The following AK9 variants were observed in gnomAD, a reference collection of about 807,000 sequenced individuals.
The protein encoded by AK9 is adenylate kinase domain containing 1.
AK9 carries 191 observed loss-of-function variants against 239.6 expected under a neutral mutation model. The observed-to-expected ratio is 0.80, with a 90% CI of 0.71 to 0.90. The LOEUF (loss-of-function observed/expected upper bound fraction) is 0.90. Among genes scored for constraint, AK9 ranks in the 40% least tolerant of loss-of-function variants. AK9 has a pLI of 0.00. For synonymous variants in AK9, 689 were observed against 721.0 expected (o/e 0.96, Z 0.71); for missense variants, 1,995 against 2,214.7 (o/e 0.90, Z 1.99).
At chr6:109,684,836 T>G (rs1219128009) in intron 1 of AK9, among the ~76,000 whole-genome samples, 1 of 107,650 alleles carries the variant, frequency 9.3e-6, no homozygotes, top group Non-Finnish European at 1.7e-5. Flanking sequence ...ATCCCGCCAC[T>G]GCACTCCAGC....
At chr6:109,644,190 A>G (rs78925794) in intron 9 of AK9, among the ~76,000 whole-genome samples, 3,152 of 152,294 alleles carry the variant, frequency 0.021, 84 homozygotes, top group East Asian at 0.11. Flanking sequence ...TTATTTTTGT[A>G]AAACATTTTT....
At chr6:109,602,885 T>G (rs1159562190) in intron 17 of AK9, among the ~76,000 whole-genome samples, 1 of 152,222 alleles carries the variant, frequency 6.6e-6, no homozygotes, top group East Asian at 1.9e-4. Context: ...GCTTGTGTAT[T>G]CGTCACGTAG....
intron 5 of AK9, 106 bp from the exon 6 acceptor site, chr6:109,662,769 A>T (rs1267503919): frequency 2.2e-6 from 1 of 446,910 alleles, no homozygotes; most frequent in East Asian, 7.3e-5. Flanking sequence ...CTTTATACTC[A>T]TCTATCATAA....
chr6:109,647,127 A>C (rs1798171704), intron 8 of AK9, among the ~76,000 whole-genome samples: 1 of 151,498 alleles, frequency 6.6e-6, no homozygotes, highest in Non-Finnish European at 1.5e-5. Context: ...ACAGTCACTG[A>C]AAAAACATGC....
intron 1 of AK9, among the ~76,000 whole-genome samples, chr6:109,685,963 G>C (rs1773449187): frequency 6.6e-6 from 1 of 152,170 alleles, no homozygotes; most frequent in Non-Finnish European, 1.5e-5. Context: ...AGTCCCAGTT[G>C]CAACTGCTGT....
intron 1 of AK9, among the ~76,000 whole-genome samples, chr6:109,688,928 AG>A (rs1259149038): frequency 1.3e-5 from 2 of 152,170 alleles, no homozygotes; most frequent in African/African-American, 4.8e-5. Flanking sequence ...TCTTGAACTC[AG>A]GGGATTCTCT....
intron 5 of AK9, among the ~76,000 whole-genome samples, chr6:109,666,818 C>T (rs1398933352): frequency 6.6e-6 from 1 of 152,052 alleles, no homozygotes; most frequent in African/African-American, 2.4e-5. Context: ...TGTGTCCAGC[C>T]ATCTCTTCTA....
intron 17 of AK9, among the ~76,000 whole-genome samples, chr6:109,591,779 C>A (rs1413193044): frequency 6.6e-6 from 1 of 151,900 alleles, no homozygotes; most frequent in East Asian, 1.9e-4. Flanking sequence ...GGAAATACTT[C>A]ATTTCTCCTT....
chr6:109,524,839 C>T (rs1470939830), intron 29 of AK9, among the ~76,000 whole-genome samples: 1 of 152,132 alleles, frequency 6.6e-6, no homozygotes, highest in African/African-American at 2.4e-5. Context: ...TGGAGCTAGA[C>T]AGTTCTAAGG....
chr6:109,655,507 A>G (rs183935544), intron 8 of AK9, among the ~76,000 whole-genome samples: 8 of 152,192 alleles, frequency 5.3e-5, no homozygotes. Flanking sequence ...GTGTGGTTTC[A>G]TCTATTTAAT....
At chr6:109,541,003 C>T (rs1782806761) in intron 27 of AK9, among the ~76,000 whole-genome samples, 1 of 152,182 alleles carries the variant, frequency 6.6e-6, no homozygotes, top group Non-Finnish European at 1.5e-5. Flanking sequence ...CATGTGCTAC[C>T]TGTTAGAGAC....
chr6:109,494,079 A>G lies in AK9; in HGVS notation c.5435T>C (p.Leu1812Pro), dbSNP rs768982477. Residue 1812 changes from leucine (L) to proline (P), a missense_variant, in exon 40 of 41, where the codon CTA (leucine) becomes CCA (proline). Transcript: ENST00000424296. Reference sequence around the variant, plus strand: ...TCCCGCTGCATTCATTGCTTTAATTAGAGAAGTTGCAATACCCTGCAGGGA... The same window carrying G: ...TCCCGCTGCATTCATTGCTTTAATTGGAGAAGTTGCAATACCCTGCAGGGA... ...GYLEQGIATS[L>P]IKAMNAAGCL... is the part of the protein sequence containing the mutation. 1 of 1,613,410 alleles carries G rather than the reference A, an allele frequency of 6.2e-7. No homozygotes were observed. Among genetic ancestry groups the G allele is most frequent in the South Asian group, 1.1e-5 (1 of 91,010 alleles).
chr6:109,533,703 T>C (rs1582878177), intron 27 of AK9, among the ~76,000 whole-genome samples: 1 of 152,196 alleles, frequency 6.6e-6, no homozygotes, highest in Non-Finnish European at 1.5e-5. Context: ...ATTTACTCTT[T>C]TATTTCTTTT....
intron 8 of AK9, among the ~76,000 whole-genome samples, chr6:109,648,960 C>G (rs1583420334): frequency 6.6e-6 from 1 of 152,248 alleles, no homozygotes; most frequent in East Asian, 1.9e-4. Flanking sequence ...TAAATGTAAT[C>G]CAACATATAA....
intron 10 of AK9, among the ~76,000 whole-genome samples, chr6:109,636,232 A>G (rs926778791): frequency 9.2e-5 from 14 of 151,788 alleles, no homozygotes; most frequent in African/African-American, 3.4e-4. Context: ...CTCTCCTGCA[A>G]CTCAGCAGAT....
intron 1 of AK9, among the ~76,000 whole-genome samples, chr6:109,678,211 C>T (rs993023322): frequency 6.6e-6 from 1 of 152,082 alleles, no homozygotes; most frequent in African/African-American, 2.4e-5. Context: ...ACATCCATAC[C>T]ATGGAATATG....
chr6:109,677,024 G>A (rs997848029), intron 1 of AK9, among the ~76,000 whole-genome samples: 1 of 152,104 alleles, frequency 6.6e-6, no homozygotes, highest in African/African-American at 2.4e-5. Flanking sequence ...TCACTTATAC[G>A]TGGGAACTAA....
intron 9 of AK9, among the ~76,000 whole-genome samples, chr6:109,642,354 T>G (rs576730619): frequency 6.6e-6 from 1 of 152,196 alleles, no homozygotes. Context: ...GATAGTGAGA[T>G]AGCCAAAATC....
intron 29 of AK9, 198 bp downstream of exon 29, chr6:109,528,813 C>T (rs964473557): frequency 2.4e-5 from 21 of 875,148 alleles, no homozygotes; most frequent in Non-Finnish European, 3.5e-5. Flanking sequence ...AAAGCTGTTA[C>T]AAGAGTGTCT....
Sources: allele counts gnomAD v4.1 joint callset (sites outside exome capture counted in the v4.1 genomes callset), GRCh38; gene constraint gnomAD v4.1.1; transcripts MANE v1.5; gene names NCBI Gene and HGNC (gene_info 2026-07-23, HGNC 2026-07-21).